The following EPHA5 variants were observed in gnomAD, a reference collection of about 807,000 sequenced individuals.
EPHA5 encodes ephrin type-A receptor 5.
Under a neutral mutation model 105.0 loss-of-function variants are expected in EPHA5, and 60 were observed. The observed-to-expected ratio is 0.57, with a 90% confidence interval of 0.46 to 0.71. The LOEUF (loss-of-function observed/expected upper bound fraction) is 0.71. Among genes scored for constraint, EPHA5 ranks in the 30% least tolerant of loss-of-function variants. The pLI is 0.00. For synonymous variants in EPHA5, 513 were observed against 449.1 expected (o/e 1.14, Z -1.80); for missense variants, 1,218 against 1,274.7 (o/e 0.96, Z 0.68).
chr4:65,551,472 T>C (rs1737917537), intron 3 of EPHA5, among the ~76,000 whole-genome samples: 1 of 152,074 alleles, frequency 6.6e-6, no homozygotes, highest in Non-Finnish European at 1.5e-5. Context: ...AAGGAGAATA[T>C]TGTAGGAAAA....
At chr4:65,581,825 A>T (rs563523542) in intron 3 of EPHA5, among the ~76,000 whole-genome samples, 1 of 151,954 alleles carries the variant, frequency 6.6e-6, no homozygotes, top group South Asian at 2.1e-4. Flanking sequence ...TGCTAAAGTC[A>T]TGAAGTAACT....
rs762539388 is a variant in EPHA5 at position 65,351,384 on chromosome 4, C to A, written c.2445+5G>T. ...TGTTTAGAAATGCACTCTGTTAGAT[C>A]TTACCCTTGTGGTGTAGGCTGCCTC... is the stretch of plus-strand genomic sequence containing the variant. On this transcript the variant is annotated splice_donor_5th_base_variant and intron_variant, in intron 13 of 16. Coordinates refer to ENST00000613740, the MANE Select transcript of EPHA5 (RefSeq NM_001281766.3). 2.5e-6 allele frequency: 4 copies of A among 1,613,218 alleles called. No homozygotes were observed. In the African/African-American group the frequency reaches 5.3e-5, roughly 22 times the overall value.
In EPHA5 at chr4:65,324,026, C is replaced by G; in HGVS notation, c.*88G>C. On this transcript the variant is annotated 3_prime_UTR_variant, in exon 17 of 17. Transcript: ENST00000613740. ...TAAGGTTTAGAAATCACTGTTTTCC[C>G]TTTTCCCCCTTTTTTTGTTAAAATA... 1.2e-6 allele frequency: 1 copy of G among 865,004 alleles called. No homozygotes were observed. The allele number at this position is 865,004 out of a possible 1,614,324, so 53.6% of individuals were successfully genotyped here.
At chr4:65,400,190 A>G (rs1043235177) in intron 8 of EPHA5, among the ~76,000 whole-genome samples, 2 of 152,206 alleles carry the variant, frequency 1.3e-5, no homozygotes, top group Admixed American at 1.3e-4. Flanking sequence ...TATAAGAGAT[A>G]AACTCTACAA....
At chr4:65,650,678 A>G (rs4611973) in intron 1 of EPHA5, among the ~76,000 whole-genome samples, 77,373 of 151,826 alleles carry the variant, frequency 0.51, 21,016 homozygotes, top group Middle Eastern at 0.66. Flanking sequence ...TGATTCTAAC[A>G]CAATGATAAC....
rs547840759 is a variant in EPHA5, at chr4:65,359,015, A to T, written c.2174-5912T>A. Reference sequence around the variant, plus strand: ...TATAGACTTTTCAGAAGAGATGGAGAATCTAAAAATGATCAACTCTGACAA... The same window carrying T: ...TATAGACTTTTCAGAAGAGATGGAGTATCTAAAAATGATCAACTCTGACAA... On this transcript the variant is annotated intron_variant, in intron 11 of 16. Coordinates refer to ENST00000613740, the MANE Select transcript of EPHA5 (RefSeq NM_001281766.3). Among the ~76,000 whole-genome samples, 18 of 151,760 alleles carry T rather than the reference A, an allele frequency of 1.2e-4. No individual in the cohort carries two copies. In the East Asian group the frequency reaches 3.5e-3, roughly 30 times the overall value.
chr4:65,652,159 T>A (rs1009231675), intron 1 of EPHA5, among the ~76,000 whole-genome samples: 5 of 152,294 alleles, frequency 3.3e-5, no homozygotes, highest in African/African-American at 1.2e-4. Context: ...CCCTACTATG[T>A]ATATAGATAA....
At chr4:65,660,690 C>A (rs539337748) in intron 1 of EPHA5, among the ~76,000 whole-genome samples, 1 of 152,026 alleles carries the variant, frequency 6.6e-6, no homozygotes, top group Admixed American at 6.6e-5. Context: ...CTGTCTAAGA[C>A]CATGGTTGAG....
chr4:65,654,419 C>G (rs1281976388), intron 1 of EPHA5, among the ~76,000 whole-genome samples: 2 of 151,748 alleles, frequency 1.3e-5, no homozygotes, highest in Non-Finnish European at 2.9e-5. Context: ...ATTCATTAAA[C>G]AAATATTTAT....
chr4:65,576,113 G>GAAAAGAAAAGA lies in EPHA5; in HGVS notation c.910+25527_910+25528insTCTTTTCTTTT, dbSNP rs368323108. On this transcript the variant is annotated intron_variant, in intron 3 of 16. Coordinates refer to ENST00000613740, the MANE Select transcript of EPHA5 (RefSeq NM_001281766.3). The stretch of plus-strand genomic sequence containing the variant: ...GAAAAGAAAAGAAAAGAAAAGAAAA[G>GAAAAGAAAAGA]AAAAAAGAAAAGAAAAGAAAAGAAA... 3.4e-3 allele frequency among the ~76,000 whole-genome samples: 122 copies of GAAAAGAAAAGA among 35,944 alleles called. 3 individuals carry two copies. The highest frequency in any genetic ancestry group is 0.013 in the Middle Eastern group (1 of 80). The allele number at this position is 35,944 out of a possible 152,430, so 23.6% of individuals were successfully genotyped here.
intron 5 of EPHA5, among the ~76,000 whole-genome samples, chr4:65,457,589 T>G (rs1029302555): frequency 6.6e-6 from 1 of 151,948 alleles, no homozygotes; most frequent in African/African-American, 2.4e-5. Context: ...GAACTCAAAA[T>G]TTGAAATAAA....
chr4:65,518,694 A>G (rs1734356984), intron 3 of EPHA5, among the ~76,000 whole-genome samples: 1 of 152,046 alleles, frequency 6.6e-6, no homozygotes, highest in Non-Finnish European at 1.5e-5. Flanking sequence ...GTAAGTTGGC[A>G]AAGCTTCTGA....
At chr4:65,512,934 A>G (rs1733761938) in intron 3 of EPHA5, among the ~76,000 whole-genome samples, 1 of 152,046 alleles carries the variant, frequency 6.6e-6, no homozygotes, top group South Asian at 2.1e-4. Context: ...GAAAAAAAAA[A>G]CACTTTTAAA....
chr4:65,457,967 G>A (rs1172985406), intron 5 of EPHA5, among the ~76,000 whole-genome samples: 1 of 150,880 alleles, frequency 6.6e-6, no homozygotes, highest in Non-Finnish European at 1.5e-5. Flanking sequence ...CCAGCTACTC[G>A]GGAGGCTGAG....
At chr4:65,417,632 A>T (rs964741707) in intron 6 of EPHA5, among the ~76,000 whole-genome samples, 16 of 152,040 alleles carry the variant, frequency 1.1e-4, no homozygotes, top group Non-Finnish European at 2.1e-4. Flanking sequence ...ATTTTTTCTT[A>T]ATTTGAGTTA....
chr4:65,632,165 A>T (rs904761151), intron 2 of EPHA5, among the ~76,000 whole-genome samples: 1 of 152,092 alleles, frequency 6.6e-6, no homozygotes, highest in Admixed American at 6.6e-5. Context: ...AAAGAATTGG[A>T]TCATATCTGG....
rs2149212152 is a variant in EPHA5 at position 65,490,407 on chromosome 4, C to T, written c.1372G>A (p.Val458Met). 1 of 1,614,122 alleles carries T rather than the reference C, an allele frequency of 6.2e-7. No individual in the cohort carries two copies. Among genetic ancestry groups the T allele is most frequent in the Non-Finnish European group, 8.5e-7 (1 of 1,179,992 alleles). ...TGATTTGTGGTTACATTTACAGACA[C>T]ATACTGCCGGGCTCCTGGGCTCAAG... ...SDLSPGARQY[V>M]SVNVTTNQAA... The change falls in exon 5 of 17, where the codon GTG becomes ATG. Residue 458 changes from valine (V) to methionine (M), a missense_variant. Val to Met is a conservative substitution (Grantham distance 21). Around this residue, in one of 3 missense-constraint regions of EPHA5, gnomAD observed 971 missense variants for 1,013.5 expected, o/e 0.96. Transcript: ENST00000613740.
intron 3 of EPHA5, among the ~76,000 whole-genome samples, chr4:65,518,252 T>C (rs1402845001): frequency 2.6e-5 from 4 of 152,030 alleles, no homozygotes; most frequent in Non-Finnish European, 4.4e-5. Context: ...CTTACTTTTA[T>C]TATCTTTTTC....
intron 8 of EPHA5, among the ~76,000 whole-genome samples, chr4:65,380,797 G>A (rs1251298698): frequency 1.3e-5 from 2 of 151,764 alleles, no homozygotes; most frequent in African/African-American, 4.8e-5. Flanking sequence ...TGTGTGGCAA[G>A]TGACACTGAA....
Sources: allele counts gnomAD v4.1 joint callset (sites outside exome capture counted in the v4.1 genomes callset), GRCh38; gene constraint gnomAD v4.1.1; regional missense constraint gnomAD v4.1.1; transcripts MANE v1.5; gene names NCBI Gene and HGNC (gene_info 2026-07-23, HGNC 2026-07-21).